Variants in NFIC observed in about 807,000 individuals in gnomAD.
NFIC encodes nuclear factor I C.
In NFIC, 12 loss-of-function variants were observed where a neutral mutation model predicts 54.4. The ratio of observed to expected loss-of-function variants is 0.22; its 90% CI spans 0.14 to 0.36. NFIC has a LOEUF of 0.36. NFIC is among the 10% of genes least tolerant of loss of function. NFIC has a pLI of 1.00. For synonymous variants in NFIC, 322 were observed against 319.2 expected (o/e 1.01, Z -0.09); for missense variants, 575 against 718.2 (o/e 0.80, Z 2.28).
At chr19:3,365,333 T>C (rs181680206), upstream of NFIC, among the ~76,000 whole-genome samples, 130 of 152,314 alleles carry the variant, frequency 8.5e-4, no homozygotes, top group South Asian at 3.5e-3. Context: ...TGACCCAAGG[T>C]CAAGGCTCTG....
At chr19:3,398,857 C>T (rs535069248) in intron 2 of NFIC, among the ~76,000 whole-genome samples, 2 of 152,342 alleles carry the variant, frequency 1.3e-5, no homozygotes, top group Admixed American at 6.5e-5. Flanking sequence ...CGGCGTCCCC[C>T]GCGGCTCCCT....
chr19:3,372,827 T>G (rs1425162421), intron 1 of NFIC, among the ~76,000 whole-genome samples: 1 of 151,554 alleles, frequency 6.6e-6, no homozygotes, highest in African/African-American at 2.4e-5. Flanking sequence ...GGTGCAATGA[T>G]AGTCCCCACT....
rs1368140179 is a variant in NFIC at position 3,463,179 on chromosome 19, G to T, written c.*410G>T. The T allele has an allele frequency of 2.8e-6, 3 of 1,066,700 alleles. No individual in the cohort carries two copies. The highest frequency in any genetic ancestry group is 9.0e-5 in the East Asian group (1 of 11,056). The allele number at this position is 1,066,700 out of a possible 1,614,324, so 66.1% of individuals were successfully genotyped here. ...CCGGCCGCCCGCCCGCGCCCCGGAG[G>T]CCCTGGCTCTGTCCGGAGACCAGGT... On this transcript the variant is annotated 3_prime_UTR_variant, in exon 11 of 11. Transcript: ENST00000443272.
chr19:3,455,164 C>T (rs535671913), intron 9 of NFIC, among the ~76,000 whole-genome samples: 8 of 152,352 alleles, frequency 5.3e-5, no homozygotes, highest in African/African-American at 1.4e-4. Flanking sequence ...TCATTCTTGC[C>T]GGCTGTCCCT....
intron 7 of NFIC, among the ~76,000 whole-genome samples, chr19:3,451,433 G>A (rs1190874460): frequency 6.6e-6 from 1 of 151,964 alleles, no homozygotes; most frequent in Non-Finnish European, 1.5e-5. Context: ...AGGAGTTTGA[G>A]ACCAGCTTGG....
upstream of NFIC, among the ~76,000 whole-genome samples, chr19:3,364,019 G>A (rs1327480560): frequency 6.6e-6 from 1 of 152,306 alleles, no homozygotes; most frequent in Non-Finnish European, 1.5e-5. Context: ...TACTAAACCG[G>A]TCCCCCACAG....
chr19:3,467,095 G>GTTTTTTTT lies in NFIC; in HGVS notation c.*4332_*4333insTTTTTTTT, dbSNP rs201187022. 1 of 144,308 alleles carries GTTTTTTTT rather than the reference G, an allele frequency of 6.9e-6. No homozygotes were observed. The highest frequency in any genetic ancestry group is 2.9e-5 in the African/African-American group (1 of 34,346). 8.9% of individuals were successfully genotyped at this position (144,308 alleles called of 1,614,324 possible). The stretch of plus-strand genomic sequence containing the variant: ...TCCCTGGGTGGAGGAGGGAGTGTTG[G>GTTTTTTTT]TTTTTTGTTTTTGTTTTTTTAACAT... On this transcript the variant is annotated 3_prime_UTR_variant, in exon 11 of 11. Transcript: ENST00000443272.
Position 3,464,600 on chromosome 19 carries a change from C to T in NFIC, c.*1831C>T. 1 of 974,802 alleles carries T rather than the reference C, an allele frequency of 1.0e-6. No individual in the cohort carries two copies. Among genetic ancestry groups the T allele is most frequent in the Non-Finnish European group, 1.2e-6 (1 of 821,046 alleles). 60.4% of individuals were successfully genotyped at this position (974,802 alleles called of 1,614,324 possible). Reference sequence around the variant, plus strand: ...CCCCACCACTGCCCCCTCCCCCGACCCAGGCCAAAGCCAGGGCAGGTCTCC... The same window carrying T: ...CCCCACCACTGCCCCCTCCCCCGACTCAGGCCAAAGCCAGGGCAGGTCTCC... On this transcript the variant is annotated 3_prime_UTR_variant, in exon 11 of 11. Transcript: ENST00000443272.
intron 3 of NFIC, among the ~76,000 whole-genome samples, chr19:3,430,931 C>CAAAAA (rs59760975): frequency 1.2e-5 from 1 of 80,176 alleles, no homozygotes; most frequent in Non-Finnish European, 2.5e-5. Flanking sequence ...GACTCCGTCT[C>CAAAAA]AAAAAAAAAA....
chr19:3,387,156 T>C (rs1599591338), intron 2 of NFIC, among the ~76,000 whole-genome samples: 1 of 151,854 alleles, frequency 6.6e-6, no homozygotes, highest in Non-Finnish European at 1.5e-5. Flanking sequence ...TGGATGGCGG[T>C]GGAGGGGCAC....
chr19:3,422,608 T>C (rs2081969934), intron 2 of NFIC, among the ~76,000 whole-genome samples: 1 of 151,410 alleles, frequency 6.6e-6, no homozygotes, highest in Non-Finnish European at 1.5e-5. Flanking sequence ...TCCCAGCTAC[T>C]CAGGAGACTG....
chr19:3,443,533 C>T (rs1239630277), intron 6 of NFIC, among the ~76,000 whole-genome samples: 1 of 152,146 alleles, frequency 6.6e-6, no homozygotes, highest in African/African-American at 2.4e-5. Context: ...CTGGGACTCA[C>T]CTCCTCTCTC....
At chr19:3,447,934 C>T (rs554655288) in intron 6 of NFIC, among the ~76,000 whole-genome samples, 8 of 152,202 alleles carry the variant, frequency 5.3e-5, no homozygotes, top group Non-Finnish European at 1.2e-4. Flanking sequence ...TTCACAGTTT[C>T]ATTCTTGTTG....
At chr19:3,403,350 G>A (rs2081587093) in intron 2 of NFIC, among the ~76,000 whole-genome samples, 1 of 152,214 alleles carries the variant, frequency 6.6e-6, no homozygotes, top group Non-Finnish European at 1.5e-5. Flanking sequence ...GTGGCCGTGA[G>A]ATCTGCGGCA....
At chr19:3,363,332 C>G (rs1331885683), upstream of NFIC, among the ~76,000 whole-genome samples, 1 of 139,122 alleles carries the variant, frequency 7.2e-6, no homozygotes, top group Non-Finnish European at 1.5e-5. Context: ...AGTGCAATGG[C>G]ATGATCCTGG....
chr19:3,400,578 C>T (rs1004148902), intron 2 of NFIC, among the ~76,000 whole-genome samples: 15 of 152,166 alleles, frequency 9.9e-5, no homozygotes, highest in South Asian at 2.1e-4. Flanking sequence ...CGGTGGCTCA[C>T]GCCTGTCATC....
chr19:3,366,857 C>T (rs2080897241), intron 1 of NFIC, among the ~76,000 whole-genome samples, 191 bp downstream of exon 1: 1 of 151,780 alleles, frequency 6.6e-6, no homozygotes, highest in South Asian at 2.1e-4. Flanking sequence ...CCCCCCACAC[C>T]CTTACCTACC....
At chr19:3,361,382 G>T (rs373586889) in intron 1 of NFIC, among the ~76,000 whole-genome samples, 244 of 152,266 alleles carry the variant, frequency 1.6e-3, no homozygotes, top group African/African-American at 5.4e-3. Context: ...AGAGCGTAGG[G>T]GCACCGGGAC....
At chr19:3,413,999 G>A (rs2081808129) in intron 2 of NFIC, among the ~76,000 whole-genome samples, 1 of 152,038 alleles carries the variant, frequency 6.6e-6, no homozygotes. Flanking sequence ...GCCTCGAGAG[G>A]AGGGATTCTT....
Sources: gnomAD v4.1 joint callset for allele counts (sites outside exome capture counted in the v4.1 genomes callset) on GRCh38, gnomAD v4.1.1 for gene constraint, MANE v1.5 for transcripts, NCBI Gene and HGNC (gene_info 2026-07-23, HGNC 2026-07-21) for gene names.